KDR: variants seen among roughly 807,000 people sequenced by gnomAD.
KDR encodes kinase insert domain receptor.
A neutral mutation model predicts 160.9 loss-of-function variants in KDR; 43 were observed. That is an observed-to-expected ratio of 0.27 (90% confidence interval 0.21 to 0.34). KDR has a LOEUF of 0.34. KDR is among the 10% of genes least tolerant of loss of function. KDR has a pLI of 1.00. For missense variants in KDR, 1,469 were observed against 1,666.4 expected (o/e 0.88, Z 2.06); for synonymous variants, 617 against 600.1 (o/e 1.03, Z -0.41).
intron 2 of KDR, among the ~76,000 whole-genome samples, chr4:55,119,620 A>G (rs948653335): frequency 6.6e-6 from 1 of 152,206 alleles, no homozygotes; most frequent in Non-Finnish European, 1.5e-5. Context: ...GAGCAAAAAC[A>G]GCACATGGAA....
At chr4:55,099,312 A>G (rs1720252438) in intron 15 of KDR, among the ~76,000 whole-genome samples, 2 of 152,122 alleles carry the variant, frequency 1.3e-5, no homozygotes, top group African/African-American at 4.8e-5. Context: ...AAGCCACCAC[A>G]CCTGGCCTAC....
rs1271955706 is a variant in KDR at position 55,082,742 on chromosome 4, C to T, written c.3663-107G>A. The T allele has an allele frequency of 2.7e-5, 22 of 800,778 alleles. No homozygotes were observed. The East Asian group carries it at 4.1e-4, about 15-fold the overall frequency. 49.6% of individuals were successfully genotyped at this position (800,778 alleles called of 1,614,324 possible). A position where few individuals can be genotyped will look rare whatever the true frequency, so the allele number is the denominator to read the frequency against. ...ACAAACTTAATAGCAACCTTCAAAA[C>T]ATCCTTTAGAAAAACAAAACAAAAT... On this transcript the variant is annotated intron_variant, in intron 27 of 29. Coordinates refer to ENST00000263923, the MANE Select transcript of KDR (RefSeq NM_002253.4).
intron 1 of KDR, among the ~76,000 whole-genome samples, chr4:55,123,393 C>T (rs1318882925): frequency 3.9e-5 from 6 of 152,176 alleles, no homozygotes; most frequent in Non-Finnish European, 7.3e-5. Context: ...AAATCAGAAA[C>T]TCTTGAAGGT....
Position 55,078,726 on chromosome 4 carries a change from GA to G in KDR, c.*1214del. The G allele has an allele frequency of 4.3e-6, 1 of 231,836 alleles. No individual in the cohort carries two copies. The highest frequency in any genetic ancestry group is 8.5e-6 in the Non-Finnish European group (1 of 117,478). The allele number at this position is 231,836 out of a possible 1,614,324, so 14.4% of individuals were successfully genotyped here. A position where few individuals can be genotyped will look rare whatever the true frequency, so the allele number is the denominator to read the frequency against. On this transcript the variant is annotated 3_prime_UTR_variant, in exon 30 of 30. Coordinates refer to ENST00000263923, the MANE Select transcript of KDR (RefSeq NM_002253.4). ...AAACAAAAAACACATTTTCTTTTTT[GA>G]AAAAAAGGACAGAACAAGGGCAAAA...
In KDR at chr4:55,087,747, G is replaced by T; in HGVS notation, c.3522C>A (p.Asp1174Glu). ...TCTCTGATATCGGAAGAACAATGTAGTCTTTGCCATCCTGAAACAATAAAC... is the reference window on the plus strand; with the variant it reads ...TCTCTGATATCGGAAGAACAATGTATTCTTTGCCATCCTGAAACAATAAAC... ...LQANAQQDGK[D>E]YIVLPISETL... The change falls in exon 27 of 30, where the codon GAC becomes GAA. Residue 1174 changes from aspartate (D) to glutamate (E), a missense_variant. Coordinates refer to ENST00000263923, the MANE Select transcript of KDR (RefSeq NM_002253.4). 6.2e-7 allele frequency: 1 copy of T among 1,614,122 alleles called. No individual in the cohort carries two copies. The highest frequency in any genetic ancestry group is 8.5e-7 in the Non-Finnish European group (1 of 1,179,994).
intron 3 of KDR, among the ~76,000 whole-genome samples, chr4:55,116,417 CAA>C (rs66997115): frequency 0.22 from 21,071 of 94,430 alleles, 1,920 homozygotes; most frequent in East Asian, 0.47. Context: ...AACTCCGTCT[CAA>C]AAAAAAAAAA....
chr4:55,082,164 A>T, intron 28 of KDR, 123 bp from the exon 29 acceptor site: 1 of 793,194 alleles, frequency 1.3e-6, no homozygotes, highest in Non-Finnish European at 2.2e-6. Context: ...GAAGAACATA[A>T]AGGTATCATA....
At chr4:55,091,696 C>CA (rs778350886) in intron 22 of KDR, among the ~76,000 whole-genome samples, 13 of 150,218 alleles carry the variant, frequency 8.7e-5, no homozygotes, top group Middle Eastern at 3.2e-3. Context: ...TTAGGAAAAA[C>CA]AAAAAAAAAT....
intron 11 of KDR, 76 bp downstream of exon 11, chr4:55,106,611 A>G (rs188394844): frequency 1.4e-5 from 15 of 1,073,290 alleles, no homozygotes; most frequent in African/African-American, 7.7e-5. Flanking sequence ...TTAATCTCCA[A>G]TATGCCTCAC....
chr4:55,110,283 C>A (rs1002360794), intron 9 of KDR, 120 bp downstream of exon 9: 3 of 1,067,424 alleles, frequency 2.8e-6, no homozygotes, highest in Admixed American at 3.5e-5. Flanking sequence ...GACTTTTGTA[C>A]GCAGGCCCAG....
At chr4:55,106,859 T>C (rs1720457522) in intron 10 of KDR, 49 bp from the exon 11 acceptor site, 1 of 1,511,182 alleles carries the variant, frequency 6.6e-7, no homozygotes, top group Non-Finnish European at 9.2e-7. Context: ...TTTTCTTTAA[T>C]TAGAGTCAAG....
rs571192121 is a variant in KDR at position 55,121,546 on chromosome 4, T to C, written c.68-356A>G. Among the ~76,000 whole-genome samples the C allele has an allele frequency of 3.3e-5, 5 of 152,224 alleles. No individual in the cohort carries two copies. The South Asian group carries it at 8.3e-4, about 25-fold the overall frequency. ...TCCCTTGGGAAAGGACCCACTGACATTTCTTATAGAACATAGGATGTACAC... is the reference window on the plus strand; with the variant it reads ...TCCCTTGGGAAAGGACCCACTGACACTTCTTATAGAACATAGGATGTACAC... On this transcript the variant is annotated intron_variant, in intron 1 of 29. Coordinates refer to ENST00000263923, the MANE Select transcript of KDR (RefSeq NM_002253.4).
chr4:55,095,482 T>C, intron 20 of KDR, 95 bp downstream of exon 20: 1 of 869,972 alleles, frequency 1.1e-6, no homozygotes, highest in Non-Finnish European at 2.0e-6. Flanking sequence ...CCTCACAAGT[T>C]CTTCACAAAA....
intron 15 of KDR, among the ~76,000 whole-genome samples, chr4:55,099,504 A>T (rs1720256209): frequency 6.6e-6 from 1 of 152,198 alleles, no homozygotes; most frequent in African/African-American, 2.4e-5. Flanking sequence ...GAGAAAAAAA[A>T]ATATTTCTAT....
chr4:55,125,062 G>A (rs940882142), intron 1 of KDR, among the ~76,000 whole-genome samples, 165 bp downstream of exon 1: 4 of 152,142 alleles, frequency 2.6e-5, no homozygotes, highest in African/African-American at 7.2e-5. Flanking sequence ...GGTAATCTTG[G>A]GCCAGTCTCT....
chr4:55,086,479 C>G (rs1719865956), intron 27 of KDR, among the ~76,000 whole-genome samples: 1 of 152,036 alleles, frequency 6.6e-6, no homozygotes, highest in Non-Finnish European at 1.5e-5. Context: ...TTTGTACTGC[C>G]CTCAGGTAAT....
Position 55,079,210 on chromosome 4 carries a change from G to C in KDR, c.*731C>G. 1 of 233,392 alleles carries C rather than the reference G, an allele frequency of 4.3e-6. No homozygotes were observed. The highest frequency in any genetic ancestry group is 8.5e-6 in the Non-Finnish European group (1 of 118,198). The allele number at this position is 233,392 out of a possible 1,614,324, so 14.5% of individuals were successfully genotyped here. On this transcript the variant is annotated 3_prime_UTR_variant, in exon 30 of 30. Transcript: ENST00000263923. The stretch of plus-strand genomic sequence containing the variant: ...CAGAGCTGCATCATTTCCTTCCTGG[G>C]GCTTGGCCAGGAGACACGTAACGGT...
intron 24 of KDR, 78 bp downstream of exon 24, chr4:55,089,613 T>C (rs1719956855): frequency 1.4e-6 from 2 of 1,396,324 alleles, no homozygotes; most frequent in Non-Finnish European, 2.0e-6. Flanking sequence ...CTGATAGACA[T>C]GAAGTACAGG....
chr4:55,107,502 T>G (rs1458471259), intron 10 of KDR, among the ~76,000 whole-genome samples: 2 of 152,136 alleles, frequency 1.3e-5, no homozygotes, highest in Admixed American at 1.3e-4. Context: ...TGGAGAAGTG[T>G]ACCTCACGGC....
Sources: allele counts gnomAD v4.1 joint callset (sites outside exome capture counted in the v4.1 genomes callset), GRCh38; gene constraint gnomAD v4.1.1; transcripts MANE v1.5; gene names NCBI Gene and HGNC (gene_info 2026-07-23, HGNC 2026-07-21).